Variants in GSK3B observed in about 807,000 individuals in gnomAD.
The protein encoded by GSK3B is glycogen synthase kinase 3 beta.
In GSK3B, 15 loss-of-function variants were observed where a neutral mutation model predicts 56.4. The ratio of observed to expected loss-of-function variants is 0.27; its 90% confidence interval spans 0.18 to 0.41. The LOEUF is 0.41. Among genes scored for constraint, GSK3B ranks in the 10% least tolerant of loss-of-function variants. The probability of loss-of-function intolerance (pLI) is 1.00; values close to 1 mark genes in which losing one functional copy is unlikely to be tolerated. For synonymous variants in GSK3B, 181 were observed against 188.9 expected (o/e 0.96, Z 0.34); for missense variants, 300 against 513.4 (o/e 0.58, Z 4.02).
intron 9 of GSK3B, among the ~76,000 whole-genome samples, chr3:119,862,225 G>A (rs1172541516): frequency 2.0e-4 from 29 of 145,678 alleles, no homozygotes; most frequent in African/African-American, 5.8e-4. Context: ...TCCTTTGTAG[G>A]GACATGGATG....
At chr3:120,081,291 A>T (rs1281734054) in intron 1 of GSK3B, among the ~76,000 whole-genome samples, 1 of 151,064 alleles carries the variant, frequency 6.6e-6, no homozygotes, top group East Asian at 1.9e-4. Context: ...ACGGTGGCTC[A>T]CACCTGTAAT....
At chr3:120,090,278 C>T (rs2058499937) in intron 1 of GSK3B, among the ~76,000 whole-genome samples, 1 of 151,406 alleles carries the variant, frequency 6.6e-6, no homozygotes, top group Non-Finnish European at 1.5e-5. Flanking sequence ...TAAATAAAAG[C>T]CCTTAGTTTA....
chr3:119,979,988 G>C (rs1470242816), intron 2 of GSK3B, among the ~76,000 whole-genome samples: 1 of 151,100 alleles, frequency 6.6e-6, no homozygotes, highest in Non-Finnish European at 1.5e-5. Context: ...AATTAGCAGA[G>C]AGAAAAAAAA....
intron 8 of GSK3B, among the ~76,000 whole-genome samples, chr3:119,868,420 A>G (rs2056210041): frequency 6.6e-6 from 1 of 152,268 alleles, no homozygotes; most frequent in South Asian, 2.1e-4. Flanking sequence ...AAAAAATGAC[A>G]GAGGCAATTT....
At chr3:119,896,115 G>C (rs1208378066) in intron 7 of GSK3B, among the ~76,000 whole-genome samples, 1 of 145,602 alleles carries the variant, frequency 6.9e-6, no homozygotes, top group Non-Finnish European at 1.5e-5. Flanking sequence ...GTGACAGAGC[G>C]AGACTCTGTC....
At chr3:119,858,461 C>A (rs2056052024) in intron 9 of GSK3B, among the ~76,000 whole-genome samples, 1 of 152,238 alleles carries the variant, frequency 6.6e-6, no homozygotes, top group Non-Finnish European at 1.5e-5. Context: ...GCCTCATGAA[C>A]CAACCTCTGC....
rs548168118 is a variant in GSK3B at position 120,088,576 on chromosome 3, C to T, written c.88+4771G>A. Among the ~76,000 whole-genome samples the T allele has an allele frequency of 3.3e-5, 5 of 152,262 alleles. No individual in the cohort carries two copies. In the South Asian group the frequency reaches 1.0e-3, roughly 32 times the overall value. ...TTAATGAAAATGCTCTTCTTCTGAA[C>T]AATGAAAATGCTTTTATTCTTGAAA... On this transcript the variant is annotated intron_variant, in intron 1 of 10. Coordinates refer to ENST00000264235, the MANE Select transcript of GSK3B (RefSeq NM_001146156.2).
chr3:119,942,684 A>C (rs1305432434), intron 3 of GSK3B, among the ~76,000 whole-genome samples: 3 of 152,168 alleles, frequency 2.0e-5, no homozygotes, highest in Non-Finnish European at 2.9e-5. Flanking sequence ...CCTTAGCTTC[A>C]ACTAGGGCAA....
chr3:120,082,481 CT>C (rs2058429092), intron 1 of GSK3B, among the ~76,000 whole-genome samples: 1 of 142,910 alleles, frequency 7.0e-6, no homozygotes, highest in African/African-American at 2.6e-5. Context: ...ACTGCAACCT[CT>C]GCCTCCCAGG....
intron 2 of GSK3B, among the ~76,000 whole-genome samples, chr3:119,960,858 T>C (rs916020796): frequency 3.3e-5 from 5 of 152,172 alleles, no homozygotes; most frequent in African/African-American, 1.2e-4. Flanking sequence ...AATGACATAG[T>C]TTTGTTGTCT....
intron 2 of GSK3B, among the ~76,000 whole-genome samples, chr3:119,999,342 T>A (rs1173209154): frequency 2.0e-5 from 3 of 152,046 alleles, no homozygotes; most frequent in Non-Finnish European, 4.4e-5. Context: ...CACTGGAGAG[T>A]CTGTCTAGAT....
At chr3:120,088,533 AAG>A (rs1400826049) in intron 1 of GSK3B, among the ~76,000 whole-genome samples, 2 of 152,194 alleles carry the variant, frequency 1.3e-5, no homozygotes, top group African/African-American at 4.8e-5. Context: ...ATAAAATGCC[AAG>A]AGTGCAACCT....
intron 1 of GSK3B, among the ~76,000 whole-genome samples, chr3:120,078,946 CTTTT>C: frequency 7.0e-6 from 1 of 142,156 alleles, no homozygotes; most frequent in South Asian, 2.2e-4. Context: ...CACACACACA[CTTTT>C]TTTTCTTTTT....
At chr3:119,900,566 C>T (rs1294446600) in intron 7 of GSK3B, among the ~76,000 whole-genome samples, 2 of 152,042 alleles carry the variant, frequency 1.3e-5, no homozygotes, top group Non-Finnish European at 2.9e-5. Context: ...ACAGCTTTCC[C>T]AGGTCCAAAA....
Position 119,823,705 on chromosome 3 carries a change from G to A in GSK3B, c.*3083C>T, listed in dbSNP as rs568256672. ...AACCGGTCTCACTGCTACCGAGGAG[G>A]AAAGACATTCAGAACCAAAACAAAG... On this transcript the variant is annotated 3_prime_UTR_variant, in exon 11 of 11. Coordinates refer to ENST00000264235, the MANE Select transcript of GSK3B (RefSeq NM_001146156.2). 4.9e-5 allele frequency: 9 copies of A among 185,434 alleles called. No individual in the cohort carries two copies. Among genetic ancestry groups the A allele is most frequent in the African/African-American group, 1.6e-4 (7 of 42,734 alleles). 11.5% of individuals were successfully genotyped at this position (185,434 alleles called of 1,614,324 possible).
At chr3:120,064,539 T>C (rs2058264165) in intron 1 of GSK3B, among the ~76,000 whole-genome samples, 1 of 152,168 alleles carries the variant, frequency 6.6e-6, no homozygotes, top group South Asian at 2.1e-4. Context: ...AAAGAAATCC[T>C]GTGTTCATGG....
At chr3:119,978,523 C>T (rs1053109807) in intron 2 of GSK3B, among the ~76,000 whole-genome samples, 1 of 152,170 alleles carries the variant, frequency 6.6e-6, no homozygotes, top group Non-Finnish European at 1.5e-5. Context: ...TGCCCAAACC[C>T]GGGATGAGTG....
At chr3:120,027,219 A>G (rs1460715559) in intron 1 of GSK3B, among the ~76,000 whole-genome samples, 1 of 147,568 alleles carries the variant, frequency 6.8e-6, no homozygotes, top group East Asian at 2.1e-4. Flanking sequence ...TACTAAAAAT[A>G]CCAAAAAATT....
At chr3:120,085,933 T>C (rs1576319348) in intron 1 of GSK3B, among the ~76,000 whole-genome samples, 1 of 152,338 alleles carries the variant, frequency 6.6e-6, no homozygotes, top group East Asian at 1.9e-4. Flanking sequence ...TATTAGCCAA[T>C]TAAGCCCCTA....
Sources: allele counts gnomAD v4.1 joint callset (sites outside exome capture counted in the v4.1 genomes callset), GRCh38; gene constraint gnomAD v4.1.1; transcripts MANE v1.5; gene names NCBI Gene and HGNC (gene_info 2026-07-23, HGNC 2026-07-21).